Variants in GPR78 observed in about 807,000 individuals in gnomAD.
GPR78 encodes G protein-coupled receptor 78.
A neutral mutation model predicts 17.9 loss-of-function variants in GPR78; 29 were observed. That is an observed-to-expected ratio of 1.62 (90% CI 1.20 to 2.21). The LOEUF (loss-of-function observed/expected upper bound fraction) is 2.21, where lower values mean the gene tolerates loss of function less well. Among genes scored for constraint, GPR78 ranks in the 30% most tolerant of loss-of-function variants. The pLI is 0.00. For synonymous variants in GPR78, 349 were observed against 256.9 expected, an observed-to-expected ratio of 1.36 and a Z score of -3.43; for missense variants, 649 against 530.5, an observed-to-expected ratio of 1.22 and a Z score of -2.19.
rs200861387 is a variant in GPR78 at position 8,587,302 on chromosome 4, C to T, written c.1031C>T (p.Ala344Val). Residue 344 changes from alanine (A) to valine (V), a missense_variant, in exon 3 of 3, where the codon GCG becomes GTG. Ala to Val is a moderately conservative substitution (Grantham distance 64). Coordinates refer to ENST00000382487, the MANE Select transcript of GPR78 (RefSeq NM_080819.5). Reference protein sequence around the residue: ...HQLLKRTPRPASTHNGSVDTE... With the variant: ...HQLLKRTPRPVSTHNGSVDTE... ...CTGCTGAAGAGAACCCCGCGCCCAG[C>T]GTCCACCCACAACGGCTCTGTGGAC... is the stretch of plus-strand genomic sequence containing the variant. 5.3e-5 allele frequency: 86 copies of T among 1,612,424 alleles called. No individual in the cohort carries two copies. The highest frequency in any genetic ancestry group is 6.4e-5 in the Non-Finnish European group (75 of 1,179,500).
chr4:8,581,525 C>A lies in GPR78; in HGVS notation c.543C>A (p.Phe181Leu). 3 of 1,589,866 alleles carry A rather than the reference C, an allele frequency of 1.9e-6. No homozygotes were observed. Among genetic ancestry groups the A allele is most frequent in the Middle Eastern group, 1.7e-4 (1 of 5,940 alleles). ...CCGCCACGCTCCATGCCGTGGGCTTCGTGCTGCCGCTGGCGGTGCTCTGCC... is the reference window on the plus strand; with the variant it reads ...CCGCCACGCTCCATGCCGTGGGCTTAGTGCTGCCGCTGGCGGTGCTCTGCC... ...AFTATLHAVGFVLPLAVLCLT... is the reference protein window; with the variant it reads ...AFTATLHAVGLVLPLAVLCLT... Residue 181 changes from phenylalanine (F) to leucine (L), a missense_variant, in exon 1 of 3, where the codon TTC becomes TTA. Coordinates refer to ENST00000382487, the MANE Select transcript of GPR78 (RefSeq NM_080819.5).
chr4:8,584,620 A>C (rs1183315703), intron 2 of GPR78, among the ~76,000 whole-genome samples: 11 of 152,202 alleles, frequency 7.2e-5, no homozygotes, highest in Admixed American at 2.0e-4. Context: ...CAGGTGTTTC[A>C]GTGGGGGAGG....
Position 8,581,369 on chromosome 4 carries a change from T to G in GPR78, c.387T>G (p.Cys129Trp). 1 of 1,582,570 alleles carries G rather than the reference T, an allele frequency of 6.3e-7. No individual in the cohort carries two copies. The highest frequency in any genetic ancestry group is 8.5e-7 in the Non-Finnish European group (1 of 1,169,936). The change falls in exon 1 of 3, where the codon TGT becomes TGG. Residue 129 changes from cysteine (C) to tryptophan (W), a missense_variant. Physicochemically the swap from Cys to Trp is radical, Grantham distance 215 (BLOSUM62 -2). Transcript: ENST00000382487. ...GCTATGCCGGCCTGCTGCTGGGCTG[T>G]GCCTGGGGACAGTCGCTGGCCTTCT... is the stretch of plus-strand genomic sequence containing the variant. ...RPRYAGLLLG[C>W]AWGQSLAFSG...
In GPR78 at chr4:8,580,934, C is replaced by T. The variant is rs754417310; in HGVS notation, c.-49C>T. Reference sequence around the variant, plus strand: ...CGCCTCACTTTCCCAGGCTCGCGCCCGAAGCAGAGCCATGAGAACCCCAGG... The same window carrying T: ...CGCCTCACTTTCCCAGGCTCGCGCCTGAAGCAGAGCCATGAGAACCCCAGG... On this transcript the variant is annotated 5_prime_UTR_variant, in exon 1 of 3. Transcript: ENST00000382487. 1 of 1,449,094 alleles carries T rather than the reference C, an allele frequency of 6.9e-7. No individual in the cohort carries two copies. Among genetic ancestry groups the T allele is most frequent in the Non-Finnish European group, 9.1e-7 (1 of 1,100,494 alleles). 89.8% of individuals were successfully genotyped at this position (1,449,094 alleles called of 1,614,324 possible). A position where few individuals can be genotyped will look rare whatever the true frequency, so the allele number is the denominator to read the frequency against.
chr4:8,584,852 A>T (rs7658933), intron 2 of GPR78, among the ~76,000 whole-genome samples: 1 of 152,140 alleles, frequency 6.6e-6, no homozygotes, highest in Non-Finnish European at 1.5e-5. Flanking sequence ...ACTCATTCCA[A>T]TTGTCCTGCA....
Position 8,581,214 on chromosome 4 carries a change from G to A in GPR78, c.232G>A (p.Ala78Thr), listed in dbSNP as rs570019246. The stretch of plus-strand genomic sequence containing the variant: ...CGGGCGGACACCGTCGGCGCCCGGC[G>A]CATGCCAAGTCATTGGCTTCCTGGA... The part of the protein sequence containing the change: ...MRGRTPSAPG[A>T]CQVIGFLDTF... Residue 78 changes from alanine (A) to threonine (T), a missense_variant, in exon 1 of 3, where the codon GCA becomes ACA. By Grantham distance (58) the Ala-to-Thr change is moderately conservative (BLOSUM62 0). Coordinates refer to ENST00000382487, the MANE Select transcript of GPR78 (RefSeq NM_080819.5). 6 of 1,598,440 alleles carry A rather than the reference G, an allele frequency of 3.8e-6. No homozygotes were observed. Among genetic ancestry groups the A allele is most frequent in the Middle Eastern group, 1.7e-4 (1 of 5,964 alleles).
rs1017452934 is a variant in GPR78, at chr4:8,587,826, G to C, written c.*463G>C. ...ATTAGCATTGTTCCGATTTGTTCTC[G>C]GCATTGCCCAGGTTTGGGAGATAAA... On this transcript the variant is annotated 3_prime_UTR_variant, in exon 3 of 3. Transcript: ENST00000382487. The C allele has an allele frequency of 2.3e-5, 4 of 173,740 alleles. No homozygotes were observed. Among genetic ancestry groups the C allele is most frequent in the African/African-American group, 9.5e-5 (4 of 42,140 alleles). 10.8% of individuals were successfully genotyped at this position (173,740 alleles called of 1,614,324 possible). A position where few individuals can be genotyped will look rare whatever the true frequency, so the allele number is the denominator to read the frequency against.
chr4:8,588,202 A>C lies in GPR78; in HGVS notation c.*839A>C, dbSNP rs1243628710. Among the ~76,000 whole-genome samples the C allele has an allele frequency of 6.6e-6, 1 of 152,134 alleles. No homozygotes were observed. The highest frequency in any genetic ancestry group is 1.9e-4 in the East Asian group (1 of 5,176). ...ATCTTAGACATGAGACGGTCAAGAG[A>C]TTGAAGTAGTAGCCAGGGCCCAGGT... On this transcript the variant is annotated 3_prime_UTR_variant, in exon 3 of 3. Transcript: ENST00000382487.
Position 8,587,250 on chromosome 4 carries a change from C to T in GPR78, c.979C>T (p.Leu327=). The T allele has an allele frequency of 6.2e-7, 1 of 1,606,316 alleles. No individual in the cohort carries two copies. The highest frequency in any genetic ancestry group is 8.5e-7 in the Non-Finnish European group (1 of 1,174,616). ...CCCAGCATCCACCCATGACAGCTCT[C>T]TGGATGTGGCCGGCATGGTGCACCA... The part of the protein sequence containing the change: ...PRPASTHDSS[L]DVAGMVHQLL... The change falls in exon 3 of 3, where the codon CTG becomes TTG. Residue 327 remains leucine (L), a synonymous_variant. Transcript: ENST00000382487.
At position 8,589,995 on chromosome 4, in the gene GPR78, G is replaced by T. The variant is rs1302683140; in HGVS notation, c.*2632G>T. Among the ~76,000 whole-genome samples, 1 of 150,696 alleles carries T rather than the reference G, an allele frequency of 6.6e-6. No individual in the cohort carries two copies. Among genetic ancestry groups the T allele is most frequent in the Non-Finnish European group, 1.5e-5 (1 of 67,918 alleles). ...TGGAATGATGCTGGGTCTCAAGAAT[G>T]CTGTGAATCAATAAACATTTTATTC... On this transcript the variant is annotated 3_prime_UTR_variant, in exon 3 of 3. Transcript: ENST00000382487.
At chr4:8,583,560 G>GTA (rs1713382592) in intron 2 of GPR78, among the ~76,000 whole-genome samples, 1 of 152,162 alleles carries the variant, frequency 6.6e-6, no homozygotes, top group African/African-American at 2.4e-5. Flanking sequence ...CCAGCAGGGA[G>GTA]TATAGTACCA....
chr4:8,583,765 C>T (rs1713388974), intron 2 of GPR78, among the ~76,000 whole-genome samples: 1 of 152,208 alleles, frequency 6.6e-6, no homozygotes. Flanking sequence ...CTGAGTGGCA[C>T]CAGCTCTCTC....
chr4:8,581,726 G>A, intron 1 of GPR78, 76 bp downstream of exon 1: 2 of 1,130,350 alleles, frequency 1.8e-6, no homozygotes, highest in Non-Finnish European at 2.4e-6. Flanking sequence ...TGAGGAGCCT[G>A]TGGGCATCAC....
In GPR78 at chr4:8,581,216, A is replaced by G. The variant is rs561446004; in HGVS notation, c.234A>G (p.Ala78=). ...GGCGGACACCGTCGGCGCCCGGCGC[A>G]TGCCAAGTCATTGGCTTCCTGGACA... is the stretch of plus-strand genomic sequence containing the variant. ...MRGRTPSAPG[A]CQVIGFLDTF... Residue 78 remains alanine, a synonymous_variant, in exon 1 of 3, where the codon GCA becomes GCG. Coordinates refer to ENST00000382487, the MANE Select transcript of GPR78 (RefSeq NM_080819.5). The G allele has an allele frequency of 3.1e-5, 50 of 1,598,352 alleles. No individual in the cohort carries two copies. The highest frequency in any genetic ancestry group is 4.0e-5 in the Non-Finnish European group (47 of 1,177,352).
rs1560280364 is a variant in GPR78 at position 8,581,138 on chromosome 4, C to T, written c.156C>T (p.His52=). Residue 52 remains histidine (H), a synonymous_variant, in exon 1 of 3, where the codon CAC becomes CAT. Coordinates refer to ENST00000382487, the MANE Select transcript of GPR78 (RefSeq NM_080819.5). ...TCCTGGTGAATCTGTCTCTGGGCCA[C>T]CTGCTGCTGGCGGCGCTGGACATGC... ...GVLLVNLSLG[H]LLLAALDMPF... The T allele has an allele frequency of 1.2e-6, 2 of 1,605,122 alleles. No individual in the cohort carries two copies. The highest frequency in any genetic ancestry group is 1.3e-5 in the African/African-American group (1 of 75,058).
chr4:8,586,214 G>A (rs766565674), intron 2 of GPR78, among the ~76,000 whole-genome samples: 9 of 152,160 alleles, frequency 5.9e-5, no homozygotes, highest in African/African-American at 2.2e-4. Context: ...GAGCGGAGGG[G>A]TCCGTCAGAG....
intron 2 of GPR78, among the ~76,000 whole-genome samples, chr4:8,583,300 C>T (rs777000956): frequency 1.3e-5 from 2 of 152,180 alleles, no homozygotes; most frequent in Non-Finnish European, 2.9e-5. Context: ...CCCTGCCTTG[C>T]TGGAAGGCAC....
In GPR78 at chr4:8,582,567, C is replaced by T. The variant is rs1713337819; in HGVS notation, c.705C>T (p.Arg235=). ...GCTGCCTCATCCAGCAGAAGCGGCG[C>T]CGCCACCGCGCCACCAGGAAGATTG... ...RQRCLIQQKR[R]RHRATRKIGI... is the part of the protein sequence containing the mutation. The change falls in exon 2 of 3, where the codon CGC becomes CGT. Residue 235 remains arginine (R), a synonymous_variant. Coordinates refer to ENST00000382487, the MANE Select transcript of GPR78 (RefSeq NM_080819.5). 2 of 1,611,886 alleles carry T rather than the reference C, an allele frequency of 1.2e-6. No individual in the cohort carries two copies. The highest frequency in any genetic ancestry group is 4.5e-5 in the East Asian group (2 of 44,882).
chr4:8,587,417 A>G lies in GPR78; in HGVS notation c.*54A>G, dbSNP rs976783233. 2 of 1,544,866 alleles carry G rather than the reference A, an allele frequency of 1.3e-6. No individual in the cohort carries two copies. The highest frequency in any genetic ancestry group is 1.8e-6 in the Non-Finnish European group (2 of 1,135,060). On this transcript the variant is annotated 3_prime_UTR_variant, in exon 3 of 3. Coordinates refer to ENST00000382487, the MANE Select transcript of GPR78 (RefSeq NM_080819.5). The stretch of plus-strand genomic sequence containing the variant: ...TTCTAAGAAGCCCTGTGGAAAGGGC[A>G]CTGGCCCTGCCACAGAGATGCCACT...
Sources: allele counts gnomAD v4.1 joint callset (sites outside exome capture counted in the v4.1 genomes callset), GRCh38; gene constraint gnomAD v4.1.1; transcripts MANE v1.5; gene names NCBI Gene and HGNC (gene_info 2026-07-23, HGNC 2026-07-21).